Variants in ZNF823 observed in about 807,000 individuals in gnomAD.
ZNF823 encodes the protein ZFP 36 for a zinc finger protein.
Under a neutral mutation model 11.4 loss-of-function variants are expected in ZNF823, and 5 were observed. That is an observed-to-expected ratio of 0.44 (90% CI 0.23 to 0.92). ZNF823 has a LOEUF of 0.92. Ranked by LOEUF, ZNF823 falls within the 40% of genes least tolerant of loss-of-function variation. ZNF823 has a pLI of 0.24. For missense variants in ZNF823, 582 were observed against 738.5 expected, an observed-to-expected ratio of 0.79 and a Z score of 2.46; for synonymous variants, 234 against 250.5, an observed-to-expected ratio of 0.93 and a Z score of 0.62.
chr19:11,734,363 C>G (rs1411723353), intron 1 of ZNF823, among the ~76,000 whole-genome samples: 2 of 152,120 alleles, frequency 1.3e-5, no homozygotes, highest in Admixed American at 6.6e-5. Flanking sequence ...GACTATGCCC[C>G]CTTTTTAAAC....
chr19:11,737,358 G>T (rs2145054402), intron 1 of ZNF823, among the ~76,000 whole-genome samples: 1 of 152,242 alleles, frequency 6.6e-6, no homozygotes, highest in Admixed American at 6.5e-5. Context: ...CCGCCTACCG[G>T]GTTCAAGCAA....
intron 1 of ZNF823, among the ~76,000 whole-genome samples, chr19:11,732,774 G>C (rs1386959385): frequency 6.6e-6 from 1 of 152,188 alleles, no homozygotes; most frequent in African/African-American, 2.4e-5. Flanking sequence ...GCATCCACGT[G>C]TTCACCAACC....
intron 2 of ZNF823, among the ~76,000 whole-genome samples, chr19:11,724,796 A>C (rs1208971265): frequency 1.3e-5 from 2 of 151,488 alleles, no homozygotes; most frequent in Non-Finnish European, 1.5e-5. Flanking sequence ...TCCTGACCTC[A>C]TGATCTTCCC....
At chr19:11,735,921 C>G (rs1035426232) in intron 1 of ZNF823, among the ~76,000 whole-genome samples, 4 of 151,342 alleles carry the variant, frequency 2.6e-5, no homozygotes, top group African/African-American at 9.8e-5. Flanking sequence ...AATAATAAAT[C>G]ATTTAGTAAA....
At chr19:11,724,781 C>T (rs1568466982) in intron 2 of ZNF823, among the ~76,000 whole-genome samples, 1 of 151,618 alleles carries the variant, frequency 6.6e-6, no homozygotes, top group South Asian at 2.1e-4. Context: ...AGGATGGTCT[C>T]GATCTCCTGA....
intron 1 of ZNF823, among the ~76,000 whole-genome samples, chr19:11,738,209 G>A (rs142050062): frequency 6.6e-6 from 1 of 152,164 alleles, no homozygotes; most frequent in Non-Finnish European, 1.5e-5. Flanking sequence ...AGTTGCTCAC[G>A]GGTCGCCTCA....
intron 1 of ZNF823, among the ~76,000 whole-genome samples, chr19:11,730,061 T>C (rs1231432102): frequency 2.0e-5 from 3 of 152,104 alleles, no homozygotes; most frequent in Non-Finnish European, 4.4e-5. Flanking sequence ...CCCAAGTAGC[T>C]GGGATTACAG....
chr19:11,738,844 G>A lies in ZNF823; in HGVS notation c.-25C>T, dbSNP rs764266787. 53 of 1,607,546 alleles carry A rather than the reference G, an allele frequency of 3.3e-5. No individual in the cohort carries two copies. Among genetic ancestry groups the A allele is most frequent in the Non-Finnish European group, 4.2e-5 (50 of 1,177,174 alleles). On this transcript the variant is annotated 5_prime_UTR_variant, in exon 1 of 4. Coordinates refer to ENST00000341191, the MANE Select transcript of ZNF823 (RefSeq NM_001080493.4). ...TTTCCCAGCTTCCAGGTGTCCGGGTGTCCTCCTTAAAAGCCAGTGTGGGTC... is the reference window on the plus strand; with the variant it reads ...TTTCCCAGCTTCCAGGTGTCCGGGTATCCTCCTTAAAAGCCAGTGTGGGTC...
At chr19:11,725,975 C>T (rs1974781563) in intron 1 of ZNF823, 1 of 151,500 alleles carries the variant, frequency 6.6e-6, no homozygotes. Flanking sequence ...TGCCTATAAT[C>T]CCAGCACTTT....
intron 1 of ZNF823, among the ~76,000 whole-genome samples, chr19:11,733,231 G>A (rs540498956): frequency 3.9e-5 from 6 of 152,054 alleles, no homozygotes; most frequent in Non-Finnish European, 7.4e-5. Context: ...GTTGGGCGTG[G>A]TGGCACGCGC....
intron 1 of ZNF823, 39 bp from the exon 2 acceptor site, chr19:11,725,366 T>G (rs1974772187): frequency 3.6e-5 from 58 of 1,609,428 alleles, no homozygotes; most frequent in Non-Finnish European, 4.8e-5. Flanking sequence ...AAGGTTGAGA[T>G]GGACAGCACT....
rs2145057914 is a variant in ZNF823 at position 11,738,941 on chromosome 19, G to A, written c.-122C>T. ...CAGCGCCAGAGCCAGGACTCAGAGCGCAGGGGCGTGGAGAAGACTCCGCGG... is the reference window on the plus strand; with the variant it reads ...CAGCGCCAGAGCCAGGACTCAGAGCACAGGGGCGTGGAGAAGACTCCGCGG... On this transcript the variant is annotated 5_prime_UTR_variant, in exon 1 of 4. Coordinates refer to ENST00000341191, the MANE Select transcript of ZNF823 (RefSeq NM_001080493.4). 5.4e-6 allele frequency: 7 copies of A among 1,302,490 alleles called. No individual in the cohort carries two copies. The highest frequency in any genetic ancestry group is 7.2e-6 in the Non-Finnish European group (7 of 965,846). The allele number at this position is 1,302,490 out of a possible 1,614,324, so 80.7% of individuals were successfully genotyped here. A position where few individuals can be genotyped will look rare whatever the true frequency, so the allele number is the denominator to read the frequency against.
At position 11,726,255 on chromosome 19, in the gene ZNF823, TAATAA is replaced by T. The variant is rs1265671756; in HGVS notation, c.4-933_4-929del. Reference sequence around the variant, plus strand: ...GAATGAGATCCTGTCTCAAAAAATATAATAAAAGTAAAAAACAAAAAATAAAAAAT... The same window carrying T: ...GAATGAGATCCTGTCTCAAAAAATATAAGTAAAAAACAAAAAATAAAAAAT... On this transcript the variant is annotated intron_variant, in intron 1 of 3. Transcript: ENST00000341191. 6.7e-5 allele frequency: 9 copies of T among 135,320 alleles called. No individual in the cohort carries two copies. The East Asian group carries it at 1.7e-3, about 26-fold the overall frequency. The allele number at this position is 135,320 out of a possible 1,614,324, so 8.4% of individuals were successfully genotyped here. A position where few individuals can be genotyped will look rare whatever the true frequency, so the allele number is the denominator to read the frequency against.
At chr19:11,725,404 T>C in intron 1 of ZNF823, 77 bp from the exon 2 acceptor site, 1 of 1,577,280 alleles carries the variant, frequency 6.3e-7, no homozygotes, top group South Asian at 1.1e-5. Context: ...GCATAAACTT[T>C]GCATGATGCT....
chr19:11,735,947 G>C (rs143654895), intron 1 of ZNF823, among the ~76,000 whole-genome samples: 1 of 150,034 alleles, frequency 6.7e-6, no homozygotes, highest in African/African-American at 2.5e-5. Flanking sequence ...AATGATATTT[G>C]AGTTCTTTAG....
chr19:11,727,894 T>TC (rs1974820894), intron 1 of ZNF823, among the ~76,000 whole-genome samples: 1 of 149,156 alleles, frequency 6.7e-6, no homozygotes. Context: ...CTTTCTTTCT[T>TC]TTTTTTTTTT....
chr19:11,732,411 C>T (rs1974915594), intron 1 of ZNF823, among the ~76,000 whole-genome samples: 1 of 151,732 alleles, frequency 6.6e-6, no homozygotes, highest in African/African-American at 2.4e-5. Context: ...ATGATCCGCC[C>T]GCCTCAGCCT....
At chr19:11,723,423 T>C in intron 3 of ZNF823, 81 bp from the exon 4 acceptor site, 2 of 1,210,942 alleles carry the variant, frequency 1.7e-6, no homozygotes, top group Non-Finnish European at 1.1e-6. Context: ...TTTATATTTG[T>C]AACATTATCA....
At chr19:11,738,506 G>A (rs1975037199) in intron 1 of ZNF823, among the ~76,000 whole-genome samples, 1 of 152,230 alleles carries the variant, frequency 6.6e-6, no homozygotes, top group African/African-American at 2.4e-5. Context: ...GACTCGGGCC[G>A]TGAACCTGTG....
Sources: allele counts gnomAD v4.1 joint callset (sites outside exome capture counted in the v4.1 genomes callset), GRCh38; gene constraint gnomAD v4.1.1; transcripts MANE v1.5; gene names NCBI Gene and HGNC (gene_info 2026-07-23, HGNC 2026-07-21).